The following AR variants were observed in gnomAD, a reference collection of about 807,000 sequenced individuals.
AR encodes the protein dihydrotestosterone receptor.
Under a neutral mutation model 53.9 loss-of-function variants are expected in AR, and 8 were observed. That is an observed-to-expected ratio of 0.15 (90% CI 0.09 to 0.27). AR has a LOEUF of 0.27. AR is among the 10% of genes least tolerant of loss of function. AR has a pLI of 1.00. For synonymous variants in AR, 359 were observed against 316.4 expected, an observed-to-expected ratio of 1.13 and a Z score of -1.43; for missense variants, 639 against 742.5, an observed-to-expected ratio of 0.86 and a Z score of 1.62.
rs1929603523 is a variant in AR at position 67,544,349 on chromosome X, GCCTCCCCCCACCCTGCCTTCCCCC to G, written c.-789_-766del. Reference sequence around the variant, plus strand: ...CCTTTGTCCTCCTCCTCTCCACCCCGCCTCCCCCCACCCTGCCTTCCCCCCCTCCCCCGTCTTCTCTCCCGCAGC... The same window carrying G: ...CCTTTGTCCTCCTCCTCTCCACCCCGCCTCCCCCGTCTTCTCTCCCGCAGC... On this transcript the variant is annotated 5_prime_UTR_variant, in exon 1 of 8. Coordinates refer to ENST00000374690, the MANE Select transcript of AR (RefSeq NM_000044.6). 1.3e-5 allele frequency: 1 copy of G among 77,695 alleles called. No individual in the cohort carries two copies. The highest frequency in any genetic ancestry group is 2.3e-5 in the Non-Finnish European group (1 of 42,766). The allele number at this position is 77,695 out of a possible 1,213,427, so 6.4% of individuals were successfully genotyped here.
intron 3 of AR, among the ~76,000 whole-genome samples, chrX:67,708,023 G>T (rs951322237): frequency 3.6e-5 from 4 of 112,193 alleles, no homozygotes; most frequent in African/African-American, 1.3e-4. Context: ...CTGTTAGTCT[G>T]ATGGCTTCCC....
At chrX:67,560,416 T>C (rs1417402983) in intron 1 of AR, among the ~76,000 whole-genome samples, 1 of 111,979 alleles carries the variant, frequency 8.9e-6, no homozygotes, top group African/African-American at 3.2e-5. Flanking sequence ...TTCCAAAGTT[T>C]AGCTCCAATC....
rs1318648586 is a variant in AR, at chrX:67,729,566, G to T, written c.*5725G>T. On this transcript the variant is annotated 3_prime_UTR_variant, in exon 8 of 8. Coordinates refer to ENST00000374690, the MANE Select transcript of AR (RefSeq NM_000044.6). ...TTGATTGGCTTCTGATTCCAATTCA[G>T]TATAGCAAGGTGCTAGGTTTTTTCC... 2 of 172,887 alleles carry T rather than the reference G, an allele frequency of 1.2e-5. No homozygotes were observed. The highest frequency in any genetic ancestry group is 1.6e-4 in the Admixed American group (2 of 12,577). The allele number at this position is 172,887 out of a possible 1,213,427, so 14.2% of individuals were successfully genotyped here. A position where few individuals can be genotyped will look rare whatever the true frequency, so the allele number is the denominator to read the frequency against.
chrX:67,716,847 G>A (rs1426152927), intron 4 of AR, among the ~76,000 whole-genome samples: 2 of 111,829 alleles, frequency 1.8e-5, no homozygotes, highest in African/African-American at 3.3e-5. Context: ...GGAAATGATT[G>A]TTAAACTGCA....
intron 1 of AR, among the ~76,000 whole-genome samples, chrX:67,637,888 C>T (rs760767901): frequency 9.0e-6 from 1 of 110,678 alleles, no homozygotes; most frequent in Admixed American, 9.6e-5. Flanking sequence ...AGGTTTGTTA[C>T]ATAGGTACAC....
chrX:67,693,769 T>G (rs777677012), intron 3 of AR, among the ~76,000 whole-genome samples: 11 of 112,048 alleles, frequency 9.8e-5, no homozygotes, highest in Non-Finnish European at 1.7e-4. Context: ...GCATCACCTT[T>G]TTTGGAATCA....
chrX:67,554,515 G>T (rs1221003488), intron 1 of AR, among the ~76,000 whole-genome samples: 1 of 111,902 alleles, frequency 8.9e-6, no homozygotes, highest in Non-Finnish European at 1.9e-5. Context: ...CTAGGCTAAG[G>T]GTCATAGCTA....
chrX:67,670,952 A>G (rs748520475), intron 2 of AR, among the ~76,000 whole-genome samples: 1 of 111,851 alleles, frequency 8.9e-6, no homozygotes, highest in Non-Finnish European at 1.9e-5. Flanking sequence ...TGATGGCTGC[A>G]TAGTATTCCA....
intron 2 of AR, among the ~76,000 whole-genome samples, chrX:67,652,084 G>T (rs1397269387): frequency 2.7e-5 from 3 of 111,817 alleles, no homozygotes; most frequent in Non-Finnish European, 5.6e-5. Flanking sequence ...TTTCCATGGG[G>T]CCACGAGCAA....
At chrX:67,598,649 C>T (rs988603675) in intron 1 of AR, among the ~76,000 whole-genome samples, 2 of 111,123 alleles carry the variant, frequency 1.8e-5, no homozygotes, top group African/African-American at 6.5e-5. Flanking sequence ...TTAATATACC[C>T]ATAATAAGGG....
chrX:67,604,688 A>G (rs183791335), intron 1 of AR, among the ~76,000 whole-genome samples: 2 of 111,743 alleles, frequency 1.8e-5, no homozygotes, highest in Admixed American at 1.9e-4. Context: ...AGGTTCAAGA[A>G]TTGACATTTA....
rs774171864 is a variant in AR at position 67,546,042 on chromosome X, C to T, written c.896C>T (p.Ala299Val). The change falls in exon 1 of 8, where the codon GCA becomes GTA. Residue 299 changes from alanine to valine, a missense_variant. Ala to Val is a moderately conservative substitution (Grantham distance 64, BLOSUM62 0). Around this residue, in one of 5 missense-constraint regions of AR, gnomAD observed 423 missense variants for 377.0 expected, o/e 1.12. Transcript: ENST00000374690. ...AAAGGTTCTCTGCTAGACGACAGCG[C>T]AGGCAAGAGCACTGAAGATACTGCT... is the stretch of plus-strand genomic sequence containing the variant. ...ECKGSLLDDS[A>V]GKSTEDTAEY... The T allele has an allele frequency of 8.2e-7, 1 of 1,212,333 alleles. No individual in the cohort carries two copies. Among genetic ancestry groups the T allele is most frequent in the East Asian group, 3.0e-5 (1 of 33,825 alleles).
At chrX:67,583,222 C>A (rs916122912) in intron 1 of AR, among the ~76,000 whole-genome samples, 4 of 111,999 alleles carry the variant, frequency 3.6e-5, no homozygotes, top group African/African-American at 1.3e-4. Context: ...TTCCACGGAG[C>A]CACTTATTAG....
intron 5 of AR, among the ~76,000 whole-genome samples, chrX:67,720,044 C>T (rs757012142): frequency 1.8e-5 from 2 of 111,912 alleles, no homozygotes; most frequent in South Asian, 3.7e-4. Context: ...TTCTATGTGC[C>T]GCAAATTTTA....
Position 67,681,057 on chromosome X carries a change from A to T in AR, c.1769-4953A>T, listed in dbSNP as rs745598740. On this transcript the variant is annotated intron_variant, in intron 2 of 7. Transcript: ENST00000374690. ...AAGACAGTTATTATGCATTTCAATG[A>T]GTGATTTCTTTGCAGCTCTAGAGTG... is the stretch of plus-strand genomic sequence containing the variant. 8 of 172,372 alleles carry T rather than the reference A, an allele frequency of 4.6e-5. No homozygotes were observed. The South Asian group carries it at 7.0e-4, about 15-fold the overall frequency. 14.2% of individuals were successfully genotyped at this position (172,372 alleles called of 1,213,427 possible).
intron 1 of AR, among the ~76,000 whole-genome samples, chrX:67,604,606 G>T (rs1442823034): frequency 9.0e-6 from 1 of 111,234 alleles, no homozygotes; most frequent in Non-Finnish European, 1.9e-5. Flanking sequence ...TTTATATAGA[G>T]TCCCTGGGAA....
chrX:67,548,453 AG>A (rs1183325573), intron 1 of AR, among the ~76,000 whole-genome samples: 1 of 111,571 alleles, frequency 9.0e-6, no homozygotes, highest in Non-Finnish European at 1.9e-5. Context: ...TTTACTTGGT[AG>A]GGTTAATTTT....
At chrX:67,710,627 C>T (rs1400160346) in intron 3 of AR, among the ~76,000 whole-genome samples, 2 of 111,739 alleles carry the variant, frequency 1.8e-5, no homozygotes, top group African/African-American at 6.5e-5. Flanking sequence ...ACCACCTTAC[C>T]CAGCCAAATT....
At chrX:67,686,177 C>G (rs2075965902) in intron 3 of AR, 51 bp downstream of exon 3, 1 of 1,125,851 alleles carries the variant, frequency 8.9e-7, no homozygotes, top group African/African-American at 1.8e-5. Flanking sequence ...CCCCTTCTCC[C>G]TCATTTTCTA....
Sources: gnomAD v4.1 joint callset for allele counts (sites outside exome capture counted in the v4.1 genomes callset) on GRCh38, gnomAD v4.1.1 for gene constraint, gnomAD v4.1.1 regional missense constraint, MANE v1.5 for transcripts, NCBI Gene and HGNC (gene_info 2026-07-23, HGNC 2026-07-21) for gene names.